The following KCND2 variants were observed in gnomAD, a reference collection of about 807,000 sequenced individuals.
KCND2 encodes the protein potassium voltage-gated channel subfamily D member 2.
In KCND2, 16 loss-of-function variants were observed where a neutral mutation model predicts 54.4. That is an observed-to-expected ratio of 0.29 (90% CI 0.20 to 0.45). The LOEUF (loss-of-function observed/expected upper bound fraction) is 0.45, where lower values mean the gene tolerates loss of function less well. Among genes scored for constraint, KCND2 ranks in the 20% least tolerant of loss-of-function variants. The probability of loss-of-function intolerance (pLI) is 1.00; values close to 1 mark genes in which losing one functional copy is unlikely to be tolerated. For missense variants in KCND2, 486 were observed against 824.2 expected, an observed-to-expected ratio of 0.59 and a Z score of 5.02; for synonymous variants, 317 against 310.7, an observed-to-expected ratio of 1.02 and a Z score of -0.21.
At chr7:120,303,168 A>G (rs1178464036) in intron 1 of KCND2, among the ~76,000 whole-genome samples, 1 of 152,212 alleles carries the variant, frequency 6.6e-6, no homozygotes, top group Non-Finnish European at 1.5e-5. Flanking sequence ...TCTTGTCAGT[A>G]ACATTTCCAT....
At chr7:120,425,854 TTTG>T (rs1801698836) in intron 1 of KCND2, among the ~76,000 whole-genome samples, 1 of 152,186 alleles carries the variant, frequency 6.6e-6, no homozygotes. Flanking sequence ...ACACCTTTCT[TTTG>T]TTGTTGTTGT....
intron 1 of KCND2, among the ~76,000 whole-genome samples, chr7:120,643,798 GA>G (rs539399596): frequency 2.6e-3 from 375 of 146,318 alleles, no homozygotes; most frequent in African/African-American, 8.2e-3. Context: ...GAGTGAAATA[GA>G]AAAAAAAAAT....
At chr7:120,711,115 GA>G (rs1248634447) in intron 1 of KCND2, among the ~76,000 whole-genome samples, 2 of 151,762 alleles carry the variant, frequency 1.3e-5, no homozygotes, top group African/African-American at 4.8e-5. Context: ...AAATGTAGAT[GA>G]TATATATTTT....
At chr7:120,418,413 T>C (rs10232879) in intron 1 of KCND2, among the ~76,000 whole-genome samples, 41,836 of 151,792 alleles carry the variant, frequency 0.28, 8,366 homozygotes, top group East Asian at 0.57. Flanking sequence ...AAGAAAACAA[T>C]GAAAATGTGG....
rs556031404 is a variant in KCND2, at chr7:120,579,428, C to A, written c.1116-153475C>A. ...GACCATCCTGGCCAACATGGTGAAA[C>A]CCACCTCTACTAAAAATACAAAAAT... On this transcript the variant is annotated intron_variant, in intron 1 of 5. Transcript: ENST00000331113. Among the ~76,000 whole-genome samples the A allele has an allele frequency of 2.0e-5, 3 of 151,658 alleles. No individual in the cohort carries two copies. In the East Asian group the frequency reaches 5.8e-4, roughly 29 times the overall value.
At chr7:120,440,210 T>C (rs1004971083) in intron 1 of KCND2, among the ~76,000 whole-genome samples, 4 of 152,064 alleles carry the variant, frequency 2.6e-5, no homozygotes, top group Non-Finnish European at 5.9e-5. Context: ...TGAGATGATA[T>C]TTCATTGTGG....
intron 1 of KCND2, among the ~76,000 whole-genome samples, chr7:120,608,008 AT>A (rs1378522871): frequency 1.4e-5 from 1 of 71,002 alleles, no homozygotes. Flanking sequence ...AGCCTAAGGA[AT>A]GTGACTGTTT....
chr7:120,425,017 T>C (rs1801684066), intron 1 of KCND2, among the ~76,000 whole-genome samples: 1 of 152,232 alleles, frequency 6.6e-6, no homozygotes, highest in Non-Finnish European at 1.5e-5. Context: ...ACAAATTGAT[T>C]TCATTTTATA....
chr7:120,383,903 C>A (rs1179880540), intron 1 of KCND2, among the ~76,000 whole-genome samples: 1 of 152,014 alleles, frequency 6.6e-6, no homozygotes, highest in Non-Finnish European at 1.5e-5. Flanking sequence ...TGAGACAAGA[C>A]CTATCTGAGT....
At chr7:120,711,495 G>A (rs775856000) in intron 1 of KCND2, among the ~76,000 whole-genome samples, 2 of 152,068 alleles carry the variant, frequency 1.3e-5, no homozygotes, top group South Asian at 4.1e-4. Context: ...GGCCCACGTT[G>A]AAAGATAATA....
intron 1 of KCND2, among the ~76,000 whole-genome samples, chr7:120,397,987 G>GTA (rs1801180326): frequency 5.7e-5 from 2 of 35,304 alleles, no homozygotes; most frequent in Non-Finnish European, 1.9e-4. Context: ...GTGTGTGTGT[G>GTA]TGTGTGTGTA....
chr7:120,624,697 C>T (rs1162987629), intron 1 of KCND2, among the ~76,000 whole-genome samples: 1 of 151,630 alleles, frequency 6.6e-6, no homozygotes, highest in Non-Finnish European at 1.5e-5. Context: ...GGGAGGATCA[C>T]TTGACCCAAG....
chr7:120,665,303 G>A (rs2116565399), intron 1 of KCND2, among the ~76,000 whole-genome samples: 1 of 152,044 alleles, frequency 6.6e-6, no homozygotes, highest in African/African-American at 2.4e-5. Context: ...TCTTTCTATA[G>A]GTCTAAATTT....
intron 1 of KCND2, among the ~76,000 whole-genome samples, chr7:120,630,476 C>T (rs1033827935): frequency 6.6e-6 from 1 of 152,050 alleles, no homozygotes; most frequent in African/African-American, 2.4e-5. Flanking sequence ...AGGTCCATTC[C>T]TTCAGGTATA....
chr7:120,335,708 G>C (rs1430646145), intron 1 of KCND2, among the ~76,000 whole-genome samples: 1 of 151,874 alleles, frequency 6.6e-6, no homozygotes, highest in Non-Finnish European at 1.5e-5. Context: ...GATGGTCTCA[G>C]TCTCCTGACC....
intron 1 of KCND2, among the ~76,000 whole-genome samples, chr7:120,562,232 T>C (rs17347636): frequency 0.08 from 12,198 of 152,002 alleles, 532 homozygotes; most frequent in Admixed American, 0.1. Context: ...AACACCAACA[T>C]TTAAGGAAAT....
chr7:120,591,911 A>T (rs1246924592), intron 1 of KCND2, among the ~76,000 whole-genome samples: 1 of 152,252 alleles, frequency 6.6e-6, no homozygotes, highest in Non-Finnish European at 1.5e-5. Flanking sequence ...TTAAGTAAAA[A>T]ATATGTACAC....
Position 120,330,306 on chromosome 7 carries a change from G to A in KCND2, c.1115+54559G>A, listed in dbSNP as rs182752309. 1.1e-4 allele frequency among the ~76,000 whole-genome samples: 17 copies of A among 152,194 alleles called. No individual in the cohort carries two copies. The East Asian group carries it at 2.7e-3, about 24-fold the overall frequency. On this transcript the variant is annotated intron_variant, in intron 1 of 5. Coordinates refer to ENST00000331113, the MANE Select transcript of KCND2 (RefSeq NM_012281.3). ...GCATAATAAAAAAAGTAGGCTGGGCGTGGTGGCTCACGCCTGTAATCCCAG... is the reference window on the plus strand; with the variant it reads ...GCATAATAAAAAAAGTAGGCTGGGCATGGTGGCTCACGCCTGTAATCCCAG...
intron 1 of KCND2, among the ~76,000 whole-genome samples, chr7:120,601,462 G>A (rs1562884905): frequency 1.3e-5 from 2 of 149,750 alleles, no homozygotes; most frequent in African/African-American, 5.1e-5. Context: ...AATAGCATAA[G>A]TAAGGCGTTT....
Sources: allele counts gnomAD v4.1 joint callset (sites outside exome capture counted in the v4.1 genomes callset), GRCh38; gene constraint gnomAD v4.1.1; transcripts MANE v1.5; gene names NCBI Gene and HGNC (gene_info 2026-07-23, HGNC 2026-07-21).